The following APBB2 variants were observed in gnomAD, a reference collection of about 807,000 sequenced individuals.
The protein encoded by APBB2 is amyloid beta precursor protein binding family B member 2.
Under a neutral mutation model 82.5 loss-of-function variants are expected in APBB2, and 38 were observed. That is an observed-to-expected ratio of 0.46 (90% confidence interval 0.36 to 0.60). The LOEUF is 0.60. Ranked by LOEUF, APBB2 falls within the 20% of genes least tolerant of loss-of-function variation. The pLI, the probability that APBB2 is intolerant of heterozygous loss-of-function variation, is 0.00. For synonymous variants in APBB2, 341 were observed against 368.2 expected (o/e 0.93, Z 0.85); for missense variants, 772 against 972.3 (o/e 0.79, Z 2.74).
intron 2 of APBB2, among the ~76,000 whole-genome samples, chr4:41,102,689 T>A (rs1362859810): frequency 6.6e-6 from 1 of 152,182 alleles, no homozygotes; most frequent in East Asian, 1.9e-4. Flanking sequence ...GTATCCCGAC[T>A]CCATCTGATT....
chr4:41,075,764 G>T (rs1276674060), intron 3 of APBB2, among the ~76,000 whole-genome samples: 1 of 152,210 alleles, frequency 6.6e-6, no homozygotes, highest in Non-Finnish European at 1.5e-5. Context: ...GTCAGACTTG[G>T]AATGTATACT....
chr4:41,093,794 C>A (rs1397342527), intron 3 of APBB2, among the ~76,000 whole-genome samples: 2 of 151,026 alleles, frequency 1.3e-5, no homozygotes, highest in Non-Finnish European at 2.9e-5. Context: ...GTGGAGGTTG[C>A]GGTGAGCCAA....
intron 4 of APBB2, among the ~76,000 whole-genome samples, chr4:41,041,027 C>T (rs539126811): frequency 6.6e-6 from 1 of 152,078 alleles, no homozygotes; most frequent in Non-Finnish European, 1.5e-5. Flanking sequence ...ACTACAAGCG[C>T]CCACCACCAC....
chr4:41,116,961 T>C (rs1374998679), intron 2 of APBB2, among the ~76,000 whole-genome samples: 1 of 152,186 alleles, frequency 6.6e-6, no homozygotes, highest in African/African-American at 2.4e-5. Context: ...CTTTGTGAGA[T>C]ACAGTCTCTC....
intron 12 of APBB2, among the ~76,000 whole-genome samples, chr4:40,852,093 C>T (rs1375451512): frequency 6.6e-6 from 1 of 152,032 alleles, no homozygotes; most frequent in Non-Finnish European, 1.5e-5. Flanking sequence ...GGCGCAGTGG[C>T]TCATGCCTGT....
At chr4:40,964,753 AAC>A (rs61087697) in intron 6 of APBB2, among the ~76,000 whole-genome samples, 5 of 139,666 alleles carry the variant, frequency 3.6e-5, no homozygotes, top group Non-Finnish European at 6.1e-5. Context: ...CCATTGAATA[AAC>A]ACACACACAC....
intron 1 of APBB2, among the ~76,000 whole-genome samples, chr4:41,213,145 TTG>T (rs569920456): frequency 4.6e-5 from 7 of 151,658 alleles, no homozygotes; most frequent in African/African-American, 1.5e-4. Flanking sequence ...CAAACTGCCA[TTG>T]TGTTTGTTTT....
intron 2 of APBB2, among the ~76,000 whole-genome samples, chr4:41,133,327 T>C (rs887336232): frequency 1.3e-5 from 2 of 152,316 alleles, no homozygotes; most frequent in Admixed American, 1.3e-4. Context: ...GCTTTTGAAT[T>C]GTGTCTATTT....
chr4:41,211,307 T>C (rs1779258707), intron 1 of APBB2, among the ~76,000 whole-genome samples: 1 of 151,972 alleles, frequency 6.6e-6, no homozygotes, highest in African/African-American at 2.4e-5. Context: ...GCTGGTTTCC[T>C]AACCCCATGT....
chr4:40,864,584 G>C (rs1763594966), intron 12 of APBB2, among the ~76,000 whole-genome samples: 1 of 152,166 alleles, frequency 6.6e-6, no homozygotes, highest in Admixed American at 6.5e-5. Context: ...AAGAATCTTT[G>C]TTAAGTGGAA....
intron 3 of APBB2, among the ~76,000 whole-genome samples, chr4:41,079,741 G>T (rs1736905136): frequency 6.6e-6 from 1 of 152,074 alleles, no homozygotes; most frequent in Admixed American, 6.6e-5. Flanking sequence ...TAGAGACGGG[G>T]TTTCACCGTG....
rs558796504 is a variant in APBB2 at position 41,129,643 on chromosome 4, T to C, written c.-261+13344A>G. On this transcript the variant is annotated intron_variant, in intron 2 of 17. Transcript: ENST00000508593. ...TTTTTAATTTTCAGTGTCTGACATG[T>C]GGTATATCTTAAGTGCCTCTTGAAA... Among the ~76,000 whole-genome samples the C allele has an allele frequency of 5.3e-5, 8 of 152,296 alleles. No homozygotes were observed. In the South Asian group the frequency reaches 1.5e-3, roughly 28 times the overall value.
At chr4:41,211,720 G>C (rs1337497649) in intron 1 of APBB2, among the ~76,000 whole-genome samples, 2 of 150,986 alleles carry the variant, frequency 1.3e-5, no homozygotes, top group African/African-American at 4.8e-5. Flanking sequence ...GACCTCAAGT[G>C]ATCTGCCCGC....
At chr4:41,129,633 G>A (rs868481860) in intron 2 of APBB2, among the ~76,000 whole-genome samples, 54 of 152,044 alleles carry the variant, frequency 3.6e-4, no homozygotes, top group Non-Finnish European at 8.8e-5. Flanking sequence ...AATTTTCAGT[G>A]TCTGACATGT....
chr4:40,899,329 T>C (rs1469018526), intron 10 of APBB2, among the ~76,000 whole-genome samples: 1 of 152,220 alleles, frequency 6.6e-6, no homozygotes, highest in African/African-American at 2.4e-5. Flanking sequence ...CTGGGCCCCC[T>C]TCTCTCCCAT....
intron 6 of APBB2, among the ~76,000 whole-genome samples, chr4:40,988,996 G>A (rs747023027): frequency 6.6e-5 from 10 of 152,044 alleles, no homozygotes; most frequent in African/African-American, 1.2e-4. Context: ...CTGACTTCAC[G>A]TGATCCACCC....
intron 12 of APBB2, among the ~76,000 whole-genome samples, chr4:40,870,893 C>T (rs1765331434): frequency 1.3e-5 from 2 of 152,006 alleles, no homozygotes; most frequent in African/African-American, 4.8e-5. Context: ...ACACCACACC[C>T]AGCTAATTTT....
chr4:40,890,424 A>G lies in APBB2; in HGVS notation c.1469T>C (p.Val490Ala). 1 of 1,614,098 alleles carries G rather than the reference A, an allele frequency of 6.2e-7. No individual in the cohort carries two copies. Among genetic ancestry groups the G allele is most frequent in the Non-Finnish European group, 8.5e-7 (1 of 1,180,032 alleles). Residue 490 changes from valine (V) to alanine (A), a missense_variant, in exon 12 of 18, where the codon GTG (valine) becomes GCG (alanine). By Grantham distance (64) the Val-to-Ala change is moderately conservative. Transcript: ENST00000508593. ...LSLVDPMDRS[V>A]LHSQPIVSIR... ...GCTGACGATGGGCTGCGAGTGCAGC[A>G]CGCTGCGGTCCATGGGGTCCACCAG...
chr4:41,213,913 A>G (rs907514562), intron 1 of APBB2, among the ~76,000 whole-genome samples: 31 of 152,122 alleles, frequency 2.0e-4, no homozygotes, highest in African/African-American at 7.2e-4. Flanking sequence ...CGCCCAGGAG[A>G]GACAGCCGAG....
Sources: gnomAD v4.1 joint callset for allele counts (sites outside exome capture counted in the v4.1 genomes callset) on GRCh38, gnomAD v4.1.1 for gene constraint, MANE v1.5 for transcripts, NCBI Gene and HGNC (gene_info 2026-07-23, HGNC 2026-07-21) for gene names.